ZNF721: variants seen among roughly 807,000 people sequenced by gnomAD.
The protein encoded by ZNF721 is zinc finger protein 721.
A neutral mutation model predicts 2.4 loss-of-function variants in ZNF721; 2 were observed. That is an observed-to-expected ratio of 0.82 (90% confidence interval 0.34 to 2.58). The LOEUF (loss-of-function observed/expected upper bound fraction) is 2.58. ZNF721 is among the 30% of genes most tolerant of loss of function. ZNF721 has a pLI of 0.11. For missense variants in ZNF721, 1,187 were observed against 1,085.5 expected, an observed-to-expected ratio of 1.09 and a Z score of -1.31; for synonymous variants, 398 against 381.8, an observed-to-expected ratio of 1.04 and a Z score of -0.50.
At chr4:466,138 G>C (rs1715243847) in intron 2 of ZNF721, among the ~76,000 whole-genome samples, 1 of 151,862 alleles carries the variant, frequency 6.6e-6, no homozygotes, top group Admixed American at 6.6e-5. Flanking sequence ...AAAGAAAACT[G>C]CAGAACTCCT....
At chr4:489,906 T>C (rs553522873) in intron 1 of ZNF721, among the ~76,000 whole-genome samples, 9 of 152,220 alleles carry the variant, frequency 5.9e-5, no homozygotes, top group East Asian at 3.9e-4. Context: ...TGTCGCCAGG[T>C]TGGAGTGCAG....
chr4:487,333 CT>C (rs1715922613), intron 1 of ZNF721, among the ~76,000 whole-genome samples: 1 of 152,170 alleles, frequency 6.6e-6, no homozygotes, highest in South Asian at 2.1e-4. Flanking sequence ...CCCATTTTAA[CT>C]TTCTGGAGAA....
At chr4:473,486 T>C (rs1457539863) in intron 1 of ZNF721, among the ~76,000 whole-genome samples, 1 of 152,086 alleles carries the variant, frequency 6.6e-6, no homozygotes, top group Non-Finnish European at 1.5e-5. Flanking sequence ...GGCGGGCTGG[T>C]GATTCGCTTC....
intron 2 of ZNF721, among the ~76,000 whole-genome samples, chr4:467,422 G>C (rs1576964162): frequency 6.6e-6 from 1 of 152,200 alleles, no homozygotes; most frequent in Non-Finnish European, 1.5e-5. Flanking sequence ...ACTTACATAA[G>C]ATATTTTAAG....
chr4:471,263 G>A (rs892159574), intron 2 of ZNF721, among the ~76,000 whole-genome samples: 6 of 152,054 alleles, frequency 3.9e-5, no homozygotes, highest in Admixed American at 2.0e-4. Flanking sequence ...ACTACCAAAG[G>A]AAATTAAATT....
At chr4:467,532 A>C (rs944353333) in intron 2 of ZNF721, among the ~76,000 whole-genome samples, 1 of 152,238 alleles carries the variant, frequency 6.6e-6, no homozygotes, top group Non-Finnish European at 1.5e-5. Flanking sequence ...TATTTGGAAA[A>C]AGCAGGCCCT....
chr4:450,074 CCA>C (rs138723519), intron 2 of ZNF721, among the ~76,000 whole-genome samples: 1 of 151,982 alleles, frequency 6.6e-6, no homozygotes, highest in Admixed American at 6.6e-5. Flanking sequence ...CTGTGGACGA[CCA>C]CACACACACA....
chr4:446,852 A>C (rs1447326396), intron 2 of ZNF721, among the ~76,000 whole-genome samples: 2 of 151,566 alleles, frequency 1.3e-5, no homozygotes, highest in African/African-American at 4.8e-5. Flanking sequence ...CACCACGCCC[A>C]GCAAATTTTT....
At position 494,947 on chromosome 4, in the gene ZNF721, T is replaced by C. The variant is rs186631440; in HGVS notation, c.-94+4109A>G. 3.4e-3 allele frequency among the ~76,000 whole-genome samples: 520 copies of C among 150,736 alleles called. 2 individuals are homozygous for C. Among genetic ancestry groups the C allele is most frequent in the African/African-American group, 0.012 (497 of 41,046 alleles). On this transcript the variant is annotated intron_variant, in intron 1 of 2. Coordinates refer to ENST00000511833, the MANE Select transcript of ZNF721 (RefSeq NM_133474.4). Reference sequence around the variant, plus strand: ...CACTGTCGCCCAGGCTGGAGTGCAGTGGCGCCATCTCGGCTCACTGCAAGC... The same window carrying C: ...CACTGTCGCCCAGGCTGGAGTGCAGCGGCGCCATCTCGGCTCACTGCAAGC...
In ZNF721 at chr4:440,331, T is replaced by C. The variant is rs1714189243; in HGVS notation, c.*1364A>G. 1 of 152,224 alleles carries C rather than the reference T, an allele frequency of 6.6e-6. No homozygotes were observed. The highest frequency in any genetic ancestry group is 2.1e-4 in the South Asian group (1 of 4,838). 9.4% of individuals were successfully genotyped at this position (152,224 alleles called of 1,614,324 possible). On this transcript the variant is annotated 3_prime_UTR_variant, in exon 3 of 3. Coordinates refer to ENST00000511833, the MANE Select transcript of ZNF721 (RefSeq NM_133474.4). Reference sequence around the variant, plus strand: ...ACGCAGCAACAATTTATCACATGCTTTCACATAAATGAGAATGTTGAAATA... The same window carrying C: ...ACGCAGCAACAATTTATCACATGCTCTCACATAAATGAGAATGTTGAAATA...
chr4:484,644 C>A (rs1424525661), intron 1 of ZNF721, among the ~76,000 whole-genome samples: 1 of 152,216 alleles, frequency 6.6e-6, no homozygotes, highest in African/African-American at 2.4e-5. Flanking sequence ...TCCCATAGTG[C>A]TCCCAGGCTT....
chr4:462,665 T>C (rs1004979627), intron 2 of ZNF721, among the ~76,000 whole-genome samples: 1 of 152,184 alleles, frequency 6.6e-6, no homozygotes, highest in Non-Finnish European at 1.5e-5. Flanking sequence ...GGATTCCCTA[T>C]TTAATAAATG....
chr4:480,308 T>A (rs782583331), intron 1 of ZNF721, among the ~76,000 whole-genome samples: 1 of 152,252 alleles, frequency 6.6e-6, no homozygotes, highest in African/African-American at 2.4e-5. Flanking sequence ...TTTGGATGAA[T>A]CTAAGTGATT....
In ZNF721 at chr4:490,247, C is replaced by T. The variant is rs546331682; in HGVS notation, c.-94+8809G>A. Among the ~76,000 whole-genome samples the T allele has an allele frequency of 9.9e-5, 15 of 151,856 alleles. No homozygotes were observed. In the East Asian group the frequency reaches 2.0e-3, roughly 20 times the overall value. On this transcript the variant is annotated intron_variant, in intron 1 of 2. Transcript: ENST00000511833. ...ATCCCAGCACTTTGGGAGGCTGAGG[C>T]GGGCAGATCACGAGGTGAGGAGATC...
intron 2 of ZNF721, among the ~76,000 whole-genome samples, chr4:449,447 C>T (rs1714579157): frequency 1.3e-5 from 2 of 151,960 alleles, no homozygotes; most frequent in Admixed American, 1.3e-4. Context: ...AAGTCAATCA[C>T]AAATAAAGAT....
At chr4:449,887 A>G (rs141474244) in intron 2 of ZNF721, among the ~76,000 whole-genome samples, 180 of 152,358 alleles carry the variant, frequency 1.2e-3, no homozygotes, top group Middle Eastern at 6.8e-3. Flanking sequence ...CTGTAATTAG[A>G]AAGACAAAAA....
chr4:458,981 A>T (rs1452229691), intron 2 of ZNF721, among the ~76,000 whole-genome samples: 1 of 152,236 alleles, frequency 6.6e-6, no homozygotes. Flanking sequence ...ACAAGCCAGA[A>T]GAAAGTGGGG....
chr4:493,053 A>G (rs962987010), intron 1 of ZNF721, among the ~76,000 whole-genome samples: 2 of 151,950 alleles, frequency 1.3e-5, no homozygotes, highest in Non-Finnish European at 2.9e-5. Context: ...GTTTGTCCAC[A>G]AGTATTTATC....
Position 472,631 on chromosome 4 carries a change from T to C in ZNF721, c.-23A>G. On this transcript the variant is annotated 5_prime_UTR_variant, in exon 2 of 3. Coordinates refer to ENST00000511833, the MANE Select transcript of ZNF721 (RefSeq NM_133474.4). Reference sequence around the variant, plus strand: ...CATCACATCTCTATACAAATTCTGCTGGGCAGGGTCCAGGCATTTCCACTC... The same window carrying C: ...CATCACATCTCTATACAAATTCTGCCGGGCAGGGTCCAGGCATTTCCACTC... 1.2e-6 allele frequency: 2 copies of C among 1,614,134 alleles called. No individual in the cohort carries two copies. The highest frequency in any genetic ancestry group is 2.2e-5 in the East Asian group (1 of 44,876).
Sources: allele counts gnomAD v4.1 joint callset (sites outside exome capture counted in the v4.1 genomes callset), GRCh38; gene constraint gnomAD v4.1.1; transcripts MANE v1.5; gene names NCBI Gene and HGNC (gene_info 2026-07-23, HGNC 2026-07-21).